Variants in RPS6KA2 observed in about 807,000 individuals in gnomAD.
The protein encoded by RPS6KA2 is ribosomal protein S6 kinase alpha-2.
In RPS6KA2, 42 loss-of-function variants were observed where a neutral mutation model predicts 91.8. The observed-to-expected ratio is 0.46, with a 90% confidence interval of 0.36 to 0.59. The LOEUF (loss-of-function observed/expected upper bound fraction) is 0.59, where lower values mean the gene tolerates loss of function less well. Among genes scored for constraint, RPS6KA2 ranks in the 20% least tolerant of loss-of-function variants. RPS6KA2 has a pLI of 0.00. For synonymous variants in RPS6KA2, 414 were observed against 393.6 expected (o/e 1.05, Z -0.61); for missense variants, 798 against 978.5 (o/e 0.82, Z 2.46).
At chr6:166,766,965 T>G (rs1196175384) in intron 2 of RPS6KA2, among the ~76,000 whole-genome samples, 2 of 152,200 alleles carry the variant, frequency 1.3e-5, no homozygotes, top group African/African-American at 4.8e-5. Context: ...CTCCCTCGCC[T>G]TTGTTTACAA....
chr6:166,572,116 A>T (rs1784707807), intron 1 of RPS6KA2, among the ~76,000 whole-genome samples: 1 of 152,206 alleles, frequency 6.6e-6, no homozygotes, highest in Non-Finnish European at 1.5e-5. Context: ...AATTTTATTA[A>T]TTTTATAGCA....
In RPS6KA2 at chr6:166,519,017, T is replaced by C. The variant is rs574203581; in HGVS notation, c.299-8660A>G. On this transcript the variant is annotated intron_variant, in intron 3 of 20. Coordinates refer to ENST00000265678, the MANE Select transcript of RPS6KA2 (RefSeq NM_021135.6). ...GGATGGAATGAGAGAGCTGCAACCA[T>C]GGATCTGCCAACTGACAGCCATGGA... Among the ~76,000 whole-genome samples the C allele has an allele frequency of 2.4e-4, 37 of 152,346 alleles. No individual in the cohort carries two copies. In the South Asian group the frequency reaches 7.2e-3, roughly 30 times the overall value.
At chr6:166,793,243 C>T (rs1779141548) in intron 2 of RPS6KA2, among the ~76,000 whole-genome samples, 1 of 150,646 alleles carries the variant, frequency 6.6e-6, no homozygotes. Flanking sequence ...TGAGTGAACT[C>T]CCATTCACAA....
intron 2 of RPS6KA2, among the ~76,000 whole-genome samples, chr6:166,787,782 A>G (rs944705430): frequency 1.3e-5 from 2 of 152,178 alleles, no homozygotes; most frequent in Non-Finnish European, 2.9e-5. Context: ...TTCATGACTA[A>G]AACACCAAAA....
At chr6:166,482,039 T>G (rs1189497010) in intron 10 of RPS6KA2, among the ~76,000 whole-genome samples, 1 of 151,446 alleles carries the variant, frequency 6.6e-6, no homozygotes, top group Non-Finnish European at 1.5e-5. Flanking sequence ...AGAGCTCTGC[T>G]GAGCTCTCTG....
At chr6:166,625,858 G>A (rs1383054022) in intron 1 of RPS6KA2, among the ~76,000 whole-genome samples, 1 of 152,174 alleles carries the variant, frequency 6.6e-6, no homozygotes, top group South Asian at 2.1e-4. Flanking sequence ...TGCCATAAGA[G>A]AAACTTTTTA....
chr6:166,453,116 G>C (rs554366445), intron 12 of RPS6KA2, among the ~76,000 whole-genome samples: 9 of 151,966 alleles, frequency 5.9e-5, no homozygotes, highest in Non-Finnish European at 1.2e-4. Flanking sequence ...CAGGAGAATT[G>C]CATGAACCCG....
intron 1 of RPS6KA2, among the ~76,000 whole-genome samples, chr6:166,548,501 G>A (rs937818501): frequency 6.6e-6 from 1 of 152,208 alleles, no homozygotes; most frequent in Non-Finnish European, 1.5e-5. Context: ...TAGACACACA[G>A]ATCAATGGAA....
rs942260216 is a variant in RPS6KA2, at chr6:166,475,283, C to T, written c.908-5378G>A. 2.6e-5 allele frequency among the ~76,000 whole-genome samples: 4 copies of T among 152,182 alleles called. 1 individual carries two copies. Among genetic ancestry groups the T allele is most frequent in the Non-Finnish European group, 5.9e-5 (4 of 68,032 alleles). The stretch of plus-strand genomic sequence containing the variant: ...CGAAGAAACAAGACTGGTGTCCCCT[C>T]GGCTGCACCCTTGAGAGCCCCCACG... On this transcript the variant is annotated intron_variant, in intron 10 of 20. Transcript: ENST00000265678.
At chr6:166,699,586 T>A (rs538814084) in intron 2 of RPS6KA2, among the ~76,000 whole-genome samples, 1 of 152,208 alleles carries the variant, frequency 6.6e-6, no homozygotes, top group African/African-American at 2.4e-5. Context: ...GTGATCATCT[T>A]ACCAACAAAA....
chr6:166,716,197 T>C (rs145507698), intron 2 of RPS6KA2, among the ~76,000 whole-genome samples: 42 of 152,206 alleles, frequency 2.8e-4, no homozygotes, highest in African/African-American at 6.0e-4. Context: ...AGAGTTAAAT[T>C]CCTGCAGCAT....
rs144777715 is a variant in RPS6KA2 at position 166,418,243 on chromosome 6, C to A, written c.1920G>T (p.Ser640=). 1 of 1,610,602 alleles carries A rather than the reference C, an allele frequency of 6.2e-7. No individual in the cohort carries two copies. Residue 640 remains serine, a synonymous_variant, in exon 19 of 21, where the codon TCG becomes TCT. Transcript: ENST00000265678. The surrounding 1 kb of genome is among the most constrained non-coding windows in gnomAD (Gnocchi z 4.9). ...TACTCACTTTAGCTGCGTCAGATAT[C>A]GAGTCCCAGTTTCCCCCAGAAAGGG... ...KYALSGGNWD[S]ISDAAKDVVS... is the part of the protein sequence containing the mutation.
At chr6:166,757,144 A>T (rs73788128) in intron 2 of RPS6KA2, among the ~76,000 whole-genome samples, 1,607 of 152,332 alleles carry the variant, frequency 0.011, 21 homozygotes, top group African/African-American at 0.037. Context: ...CTTCACCCAA[A>T]ACTTTACCTT....
chr6:166,443,170 A>G (rs1779572999), intron 14 of RPS6KA2, among the ~76,000 whole-genome samples: 1 of 152,216 alleles, frequency 6.6e-6, no homozygotes, highest in African/African-American at 2.4e-5. Flanking sequence ...TAAGCAAATC[A>G]TAAGGAAGAG....
rs142236211 is a variant in RPS6KA2, at chr6:166,634,871, G to A, written c.124-96087C>T. On this transcript the variant is annotated intron_variant, in intron 2 of 21. Coordinates refer to the RPS6KA2 transcript ENST00000503859. ...CCCACCTCAGCCTCCCAAAGTGCTGGGGTTACAGGTGTGAGCCACTACACT... is the reference window on the plus strand; with the variant it reads ...CCCACCTCAGCCTCCCAAAGTGCTGAGGTTACAGGTGTGAGCCACTACACT... 1.1e-3 allele frequency among the ~76,000 whole-genome samples: 167 copies of A among 152,178 alleles called. 1 individual carries two copies. Among genetic ancestry groups the A allele is most frequent in the African/African-American group, 3.9e-3 (161 of 41,508 alleles).
intron 9 of RPS6KA2, among the ~76,000 whole-genome samples, chr6:166,489,488 G>A (rs1473761505): frequency 6.6e-6 from 1 of 152,196 alleles, no homozygotes; most frequent in African/African-American, 2.4e-5. Flanking sequence ...AGAACCCCAC[G>A]CGCAGAGCCT....
At chr6:166,517,455 G>GTTTTTTTTTTTTTTTTTTTTTTTTTTT (rs71032809) in intron 3 of RPS6KA2, among the ~76,000 whole-genome samples, 1 of 104,968 alleles carries the variant, frequency 9.5e-6, no homozygotes, top group Non-Finnish European at 1.8e-5. Context: ...CTTTTGTTTT[G>GTTTTTTTTTTTTTTTTTTTTTTTTTTT]TTTTTTTTTT....
chr6:166,562,651 G>A (rs1784377335), intron 1 of RPS6KA2, among the ~76,000 whole-genome samples: 1 of 152,216 alleles, frequency 6.6e-6, no homozygotes, highest in Non-Finnish European at 1.5e-5. Flanking sequence ...CCCTTTCTCT[G>A]CCTCAGGCTC....
At chr6:166,691,983 G>A (rs997748175) in intron 2 of RPS6KA2, among the ~76,000 whole-genome samples, 4 of 152,184 alleles carry the variant, frequency 2.6e-5, no homozygotes. Flanking sequence ...TGTCCCAGGA[G>A]CAGTCACCCA....
Sources: allele counts gnomAD v4.1 joint callset (sites outside exome capture counted in the v4.1 genomes callset), GRCh38; gene constraint gnomAD v4.1.1; non-coding constraint Gnocchi (gnomAD v3.1); transcripts MANE v1.5; gene names NCBI Gene and HGNC (gene_info 2026-07-23, HGNC 2026-07-21).